The following SLC24A2 variants were observed in gnomAD, a reference collection of about 807,000 sequenced individuals.
SLC24A2 encodes the protein sodium/potassium/calcium exchanger 2.
SLC24A2 carries 36 observed loss-of-function variants against 62.0 expected under a neutral mutation model. The observed-to-expected ratio is 0.58, with a 90% CI of 0.44 to 0.77. The LOEUF is 0.77. Ranked by LOEUF, SLC24A2 falls within the 30% of genes least tolerant of loss-of-function variation. The pLI, the probability that SLC24A2 is intolerant of heterozygous loss-of-function variation, is 0.00. For missense variants in SLC24A2, 846 were observed against 817.9 expected (o/e 1.03, Z -0.42); for synonymous variants, 358 against 294.0 (o/e 1.22, Z -2.23).
At chr9:20,163,996 G>C in the SLC24A2 span, among the ~76,000 whole-genome samples, 3 of 152,168 alleles carry the variant, frequency 2.0e-5, no homozygotes, top group African/African-American at 7.2e-5. Context: ...ATGGATTAAA[G>C]ACTTACATGT....
At chr9:20,022,727 AAAAG>A in the SLC24A2 span, among the ~76,000 whole-genome samples, 1 of 152,208 alleles carries the variant, frequency 6.6e-6, no homozygotes, top group Admixed American at 6.5e-5. Context: ...ACTGTTATTA[AAAAG>A]AAGAACAGTC....
the SLC24A2 span, among the ~76,000 whole-genome samples, chr9:19,930,952 A>G: frequency 1.3e-5 from 2 of 152,232 alleles, no homozygotes; most frequent in African/African-American, 4.8e-5. Context: ...AGCATAGATT[A>G]CTAAACCTTT....
chr9:19,747,112 T>G (rs949145041), intron 2 of SLC24A2, among the ~76,000 whole-genome samples: 2 of 152,140 alleles, frequency 1.3e-5, no homozygotes, highest in African/African-American at 4.8e-5. Context: ...TAACCAACAA[T>G]CAATCTACTA....
At chr9:20,126,554 A>C in the SLC24A2 span, among the ~76,000 whole-genome samples, 1 of 152,190 alleles carries the variant, frequency 6.6e-6, no homozygotes. Flanking sequence ...TTAAAAATAC[A>C]TTTGAATACA....
chr9:19,642,122 G>C (rs1350423514), intron 2 of SLC24A2, among the ~76,000 whole-genome samples: 1 of 152,066 alleles, frequency 6.6e-6, no homozygotes, highest in Non-Finnish European at 1.5e-5. Context: ...GCTTGGCTTT[G>C]GGGAGGTGAA....
At chr9:19,721,628 G>A (rs773445529) in intron 2 of SLC24A2, among the ~76,000 whole-genome samples, 17 of 151,974 alleles carry the variant, frequency 1.1e-4, no homozygotes, top group Non-Finnish European at 2.4e-4. Context: ...TAAAATAGGA[G>A]GCTCTTTAAA....
the SLC24A2 span, among the ~76,000 whole-genome samples, chr9:20,233,388 T>C: frequency 6.6e-6 from 1 of 152,220 alleles, no homozygotes; most frequent in Admixed American, 6.5e-5. Flanking sequence ...ACTCAGGACT[T>C]GCTTTATGAA....
the SLC24A2 span, among the ~76,000 whole-genome samples, chr9:20,124,602 A>T: frequency 6.6e-6 from 1 of 152,072 alleles, no homozygotes; most frequent in Non-Finnish European, 1.5e-5. Context: ...TAGTGCCTTC[A>T]TGCTAACTTT....
chr9:19,946,672 C>T, the SLC24A2 span, among the ~76,000 whole-genome samples: 5 of 152,232 alleles, frequency 3.3e-5, no homozygotes, highest in African/African-American at 1.2e-4. Context: ...GATGCCAGCA[C>T]TTCCTCTTCT....
intron 2 of SLC24A2, among the ~76,000 whole-genome samples, chr9:19,693,924 A>G (rs545443378): frequency 6.6e-6 from 1 of 152,248 alleles, no homozygotes; most frequent in East Asian, 1.9e-4. Context: ...AAATATCTAA[A>G]AAACAGATAG....
At chr9:20,147,193 G>A in the SLC24A2 span, among the ~76,000 whole-genome samples, 1 of 152,064 alleles carries the variant, frequency 6.6e-6, no homozygotes, top group African/African-American at 2.4e-5. Context: ...ACCTTTCCTG[G>A]CATTCAGTAT....
At chr9:19,868,397 G>C in the SLC24A2 span, among the ~76,000 whole-genome samples, 4 of 152,098 alleles carry the variant, frequency 2.6e-5, no homozygotes, top group African/African-American at 9.7e-5. Context: ...CTAGCATATG[G>C]TTTCATATGG....
intron 2 of SLC24A2, among the ~76,000 whole-genome samples, chr9:19,704,685 A>C (rs1167393866): frequency 6.6e-6 from 1 of 152,218 alleles, no homozygotes; most frequent in Non-Finnish European, 1.5e-5. Context: ...ATGTAACAAG[A>C]AACTGTCAGA....
the SLC24A2 span, among the ~76,000 whole-genome samples, chr9:20,280,289 A>T: frequency 6.6e-6 from 1 of 152,190 alleles, no homozygotes; most frequent in Non-Finnish European, 1.5e-5. Context: ...ATCTTCAGGC[A>T]AGGTACCATT....
chr9:19,787,847 A>C (rs537489233), intron 1 of SLC24A2, among the ~76,000 whole-genome samples: 15 of 152,224 alleles, frequency 9.9e-5, no homozygotes, highest in Admixed American at 2.6e-4. Context: ...TGTATTTCAT[A>C]AACAATACGC....
the SLC24A2 span, among the ~76,000 whole-genome samples, chr9:20,301,338 A>G: frequency 6.6e-6 from 1 of 152,136 alleles, no homozygotes; most frequent in African/African-American, 2.4e-5. Flanking sequence ...CTTATTATAA[A>G]AATGGTATAG....
the SLC24A2 span, among the ~76,000 whole-genome samples, chr9:19,852,535 T>C: frequency 1.3e-5 from 2 of 152,334 alleles, no homozygotes; most frequent in Admixed American, 1.3e-4. Context: ...ATTTTCTGCA[T>C]ACAGCTAGCC....
At chr9:19,971,289 T>C in the SLC24A2 span, among the ~76,000 whole-genome samples, 82,269 of 151,976 alleles carry the variant, frequency 0.54, 23,038 homozygotes, top group Non-Finnish European at 0.6. Context: ...TCCAGATGCA[T>C]GAGTAAAGAA....
At chr9:20,174,427 G>C in the SLC24A2 span, among the ~76,000 whole-genome samples, 1 of 151,838 alleles carries the variant, frequency 6.6e-6, no homozygotes, top group Admixed American at 6.6e-5. Flanking sequence ...AACCCACAGA[G>C]TGGAAGAAAA....
Sources: gnomAD v4.1 joint callset for allele counts (sites outside exome capture counted in the v4.1 genomes callset) on GRCh38, gnomAD v4.1.1 for gene constraint, MANE v1.5 for transcripts, NCBI Gene and HGNC (gene_info 2026-07-23, HGNC 2026-07-21) for gene names.